Variants in SMAP1 observed in about 807,000 individuals in gnomAD.
The protein encoded by SMAP1 is stromal membrane-associated protein 1.
In SMAP1, 24 loss-of-function variants were observed where a neutral mutation model predicts 58.5. The ratio of observed to expected loss-of-function variants is 0.41; its 90% CI spans 0.30 to 0.58. The LOEUF (loss-of-function observed/expected upper bound fraction) is 0.58, where lower values mean the gene tolerates loss of function less well. Ranked by LOEUF, SMAP1 falls within the 20% of genes least tolerant of loss-of-function variation. SMAP1 has a pLI of 0.29. For synonymous variants in SMAP1, 216 were observed against 196.6 expected, an observed-to-expected ratio of 1.10 and a Z score of -0.82; for missense variants, 563 against 566.3, an observed-to-expected ratio of 0.99 and a Z score of 0.06.
At chr6:70,729,702 G>C (rs1357280133) in intron 1 of SMAP1, among the ~76,000 whole-genome samples, 3 of 152,074 alleles carry the variant, frequency 2.0e-5, no homozygotes, top group Non-Finnish European at 4.4e-5. Context: ...TTTTCTATGA[G>C]TAAGCCCTGT....
At chr6:70,674,490 A>G (rs931684081) in intron 1 of SMAP1, among the ~76,000 whole-genome samples, 1 of 152,024 alleles carries the variant, frequency 6.6e-6, no homozygotes, top group African/African-American at 2.4e-5. Context: ...CAGTTTCTCA[A>G]TTTTCTCAAT....
At chr6:70,772,017 A>G (rs549075559) in intron 3 of SMAP1, among the ~76,000 whole-genome samples, 37 of 152,260 alleles carry the variant, frequency 2.4e-4, no homozygotes, top group African/African-American at 6.0e-4. Context: ...ACACTGTTCT[A>G]TTGCAGGGTG....
At chr6:70,702,380 CT>C (rs1338859724) in intron 1 of SMAP1, among the ~76,000 whole-genome samples, 54 of 122,362 alleles carry the variant, frequency 4.4e-4, no homozygotes, top group South Asian at 1.9e-3. Context: ...CAGTTACATG[CT>C]TTTTTTTTGG....
chr6:70,780,812 G>A (rs1468212297), intron 4 of SMAP1, among the ~76,000 whole-genome samples: 2 of 152,148 alleles, frequency 1.3e-5, no homozygotes, highest in East Asian at 1.9e-4. Context: ...TGAGATTAGC[G>A]TAAAAGAGCA....
At chr6:70,680,591 G>T (rs1237913337) in intron 1 of SMAP1, among the ~76,000 whole-genome samples, 1 of 151,796 alleles carries the variant, frequency 6.6e-6, no homozygotes, top group African/African-American at 2.4e-5. Context: ...TCCGTACAGT[G>T]GAATAATGTT....
At chr6:70,786,070 T>C (rs1008284916) in intron 4 of SMAP1, among the ~76,000 whole-genome samples, 15 of 152,148 alleles carry the variant, frequency 9.9e-5, no homozygotes, top group Non-Finnish European at 1.3e-4. Context: ...ACTGGCAAAC[T>C]GAATCCAGCA....
intron 3 of SMAP1, among the ~76,000 whole-genome samples, chr6:70,769,233 C>G (rs1401277674): frequency 6.6e-6 from 1 of 152,026 alleles, no homozygotes; most frequent in Non-Finnish European, 1.5e-5. Context: ...TTCTGTTGAT[C>G]TGGGGTGGAG....
chr6:70,808,572 TTTTC>T (rs1769245738), intron 6 of SMAP1, among the ~76,000 whole-genome samples: 1 of 152,164 alleles, frequency 6.6e-6, no homozygotes, highest in Non-Finnish European at 1.5e-5. Flanking sequence ...CAGAGCCTCC[TTTTC>T]TTTCTTTATT....
intron 1 of SMAP1, among the ~76,000 whole-genome samples, chr6:70,673,173 G>A (rs1766337977): frequency 6.6e-6 from 1 of 152,182 alleles, no homozygotes; most frequent in South Asian, 2.1e-4. Context: ...CTGGAGGAGG[G>A]AAAGTCAGGG....
intron 1 of SMAP1, among the ~76,000 whole-genome samples, chr6:70,673,518 A>C (rs1048612820): frequency 6.6e-6 from 1 of 152,196 alleles, no homozygotes; most frequent in Non-Finnish European, 1.5e-5. Context: ...CCAAGAGTTC[A>C]TGTTTTTCAT....
At chr6:70,846,233 C>G (rs980222845) in intron 7 of SMAP1, among the ~76,000 whole-genome samples, 1 of 152,182 alleles carries the variant, frequency 6.6e-6, no homozygotes, top group African/African-American at 2.4e-5. Flanking sequence ...ACCTGAACTA[C>G]TATTTGTTTT....
At chr6:70,828,164 T>A (rs1029995136) in intron 6 of SMAP1, among the ~76,000 whole-genome samples, 1 of 152,190 alleles carries the variant, frequency 6.6e-6, no homozygotes, top group Admixed American at 6.5e-5. Context: ...TTTTTATTAA[T>A]GTATTTATAG....
chr6:70,763,465 G>A (rs555197316), intron 3 of SMAP1, among the ~76,000 whole-genome samples: 2 of 152,140 alleles, frequency 1.3e-5, no homozygotes, highest in South Asian at 2.1e-4. Flanking sequence ...TCTGCACTCC[G>A]TATTCTGTGA....
At chr6:70,825,643 C>A (rs930693653) in intron 6 of SMAP1, among the ~76,000 whole-genome samples, 2 of 152,092 alleles carry the variant, frequency 1.3e-5, no homozygotes, top group Non-Finnish European at 2.9e-5. Context: ...AAGAGAGGAA[C>A]CTATTAATGA....
At chr6:70,834,360 G>A (rs536125472) in intron 6 of SMAP1, among the ~76,000 whole-genome samples, 18 of 121,410 alleles carry the variant, frequency 1.5e-4, no homozygotes, top group African/African-American at 4.6e-4. Flanking sequence ...AGAAGATTCA[G>A]TAAAATACAC....
rs1275063149 is a variant in SMAP1 at position 70,786,195 on chromosome 6, CA to C, written c.415-5489del. ...TCCAGCATATAAACAGAACCAAAGA[CA>C]AAAACCACATGATTATCTCAATAGA... is the stretch of plus-strand genomic sequence containing the variant. On this transcript the variant is annotated intron_variant, in intron 4 of 10. Coordinates refer to ENST00000370455, the MANE Select transcript of SMAP1 (RefSeq NM_001044305.3). Among the ~76,000 whole-genome samples the C allele has an allele frequency of 1.6e-3, 235 of 150,752 alleles. 1 individual carries two copies. In the East Asian group the frequency reaches 0.043, roughly 28 times the overall value.
chr6:70,691,956 C>T (rs1030459357), intron 1 of SMAP1, among the ~76,000 whole-genome samples: 3 of 152,066 alleles, frequency 2.0e-5, no homozygotes, highest in Admixed American at 1.3e-4. Flanking sequence ...TAATTATTTC[C>T]TTTCTTTTGG....
chr6:70,852,480 G>A, intron 7 of SMAP1, 60 bp from the exon 8 acceptor site: 1 of 1,358,854 alleles, frequency 7.4e-7, no homozygotes, highest in Non-Finnish European at 9.6e-7. Context: ...TTAAAATAAT[G>A]CCATGTTTCA....
chr6:70,733,100 A>G (rs144895000), intron 2 of SMAP1, among the ~76,000 whole-genome samples: 76 of 152,338 alleles, frequency 5.0e-4, no homozygotes, highest in African/African-American at 1.5e-3. Context: ...GTTGGCCACT[A>G]TTGTAAAAAT....
Sources: gnomAD v4.1 joint callset for allele counts (sites outside exome capture counted in the v4.1 genomes callset) on GRCh38, gnomAD v4.1.1 for gene constraint, MANE v1.5 for transcripts, NCBI Gene and HGNC (gene_info 2026-07-23, HGNC 2026-07-21) for gene names.